Variants in TMEM71 observed in about 807,000 individuals in gnomAD.
TMEM71 encodes the protein transmembrane protein 71.
TMEM71 carries 44 observed loss-of-function variants against 38.0 expected under a neutral mutation model. That is an observed-to-expected ratio of 1.16 (90% CI 0.91 to 1.49). TMEM71 has a LOEUF of 1.49. Among genes scored for constraint, TMEM71 ranks in the 40% most tolerant of loss-of-function variants. The pLI is 0.00. For synonymous variants in TMEM71, 133 were observed against 122.5 expected (o/e 1.09, Z -0.56); for missense variants, 367 against 348.6 (o/e 1.05, Z -0.42).
intron 5 of TMEM71, among the ~76,000 whole-genome samples, chr8:132,732,334 A>C (rs1317538508): frequency 6.6e-6 from 1 of 152,112 alleles, no homozygotes; most frequent in Non-Finnish European, 1.5e-5. Flanking sequence ...GGAAGAGGAC[A>C]GGCCAGGCAG....
intron 4 of TMEM71, among the ~76,000 whole-genome samples, chr8:132,749,806 G>A (rs1044856698): frequency 6.6e-6 from 1 of 151,986 alleles, no homozygotes; most frequent in African/African-American, 2.4e-5. Flanking sequence ...ACAAGGTCAG[G>A]GGATCGAGAC....
At chr8:132,764,574 G>C (rs1452078367), upstream of TMEM71, among the ~76,000 whole-genome samples, 1 of 152,158 alleles carries the variant, frequency 6.6e-6, no homozygotes, top group Non-Finnish European at 1.5e-5. Flanking sequence ...GGCCCCATCT[G>C]TCTTTTTAGA....
chr8:132,734,629 A>T (rs1344153753), intron 5 of TMEM71, among the ~76,000 whole-genome samples: 1 of 152,228 alleles, frequency 6.6e-6, no homozygotes, highest in Non-Finnish European at 1.5e-5. Context: ...CAACAGAGAA[A>T]CCACAAAAAA....
chr8:132,746,398 T>TACACAC (rs1214113073), intron 5 of TMEM71, among the ~76,000 whole-genome samples: 1 of 19,668 alleles, frequency 5.1e-5, no homozygotes, highest in South Asian at 2.8e-3. Context: ...CATATATATA[T>TACACAC]ACATATATAT....
chr8:132,731,164 G>T (rs1158313991), intron 5 of TMEM71, among the ~76,000 whole-genome samples: 2 of 152,150 alleles, frequency 1.3e-5, no homozygotes, highest in Non-Finnish European at 2.9e-5. Flanking sequence ...ATAAGTGAAG[G>T]AGAAGAGACA....
At chr8:132,775,669 C>T in the TMEM71 span, 167 of 333,746 alleles carry the variant, frequency 5.0e-4, 3 homozygotes, top group Non-Finnish European at 8.1e-4. Flanking sequence ...GCGGCTGAGC[C>T]GGCAGGCCGC....
chr8:132,765,682 TTCAA>T (rs1335569406), upstream of TMEM71, among the ~76,000 whole-genome samples: 1 of 152,110 alleles, frequency 6.6e-6, no homozygotes, highest in Admixed American at 6.5e-5. Flanking sequence ...TTATACAAGG[TTCAA>T]TCTCTATTTT....
chr8:132,750,954 T>C (rs1586804196), intron 4 of TMEM71, among the ~76,000 whole-genome samples: 1 of 152,324 alleles, frequency 6.6e-6, no homozygotes, highest in East Asian at 1.9e-4. Flanking sequence ...GTTTCATCAT[T>C]GCTATCACAA....
chr8:132,765,828 G>A, the TMEM71 span, among the ~76,000 whole-genome samples: 7 of 151,346 alleles, frequency 4.6e-5, no homozygotes, highest in East Asian at 3.9e-4. Flanking sequence ...TCACTCTGTC[G>A]CCCAGGCTAG....
intron 3 of TMEM71, among the ~76,000 whole-genome samples, chr8:132,755,919 A>G (rs1828978081): frequency 6.6e-6 from 1 of 152,224 alleles, no homozygotes; most frequent in Non-Finnish European, 1.5e-5. Flanking sequence ...GATATTTTAC[A>G]TAGCTAGTAA....
chr8:132,724,441 T>C (rs1376482797), intron 6 of TMEM71, among the ~76,000 whole-genome samples: 2 of 152,134 alleles, frequency 1.3e-5, no homozygotes, highest in Admixed American at 1.3e-4. Context: ...GCGATGTCTC[T>C]CCTACTTGCA....
At chr8:132,706,660 T>C (rs75748387), downstream of TMEM71, among the ~76,000 whole-genome samples, 971 of 152,230 alleles carry the variant, frequency 6.4e-3, 7 homozygotes, top group African/African-American at 0.018. Flanking sequence ...TATTAAGAAA[T>C]AAACTTTTTG....
chr8:132,718,840 AG>A (rs780524690), intron 7 of TMEM71, among the ~76,000 whole-genome samples: 28 of 152,260 alleles, frequency 1.8e-4, no homozygotes, highest in Admixed American at 7.2e-4. Flanking sequence ...GTCACTGAGT[AG>A]ATTTATTTCA....
At chr8:132,744,433 A>G (rs1212932035) in intron 5 of TMEM71, among the ~76,000 whole-genome samples, 1 of 152,202 alleles carries the variant, frequency 6.6e-6, no homozygotes, top group African/African-American at 2.4e-5. Flanking sequence ...TCCCATTTAC[A>G]ATAGCCACAA....
In TMEM71 at chr8:132,710,552, C is replaced by A; in HGVS notation, c.*415G>T. The A allele has an allele frequency of 2.8e-6, 1 of 355,006 alleles. No homozygotes were observed. The highest frequency in any genetic ancestry group is 7.0e-5 in the South Asian group (1 of 14,206). 22.0% of individuals were successfully genotyped at this position (355,006 alleles called of 1,614,324 possible). Reference sequence around the variant, plus strand: ...GTTAGACAAACTTGCTCTCATTATTCTATTAAAGCAATTCAGCAAGAGATA... The same window carrying A: ...GTTAGACAAACTTGCTCTCATTATTATATTAAAGCAATTCAGCAAGAGATA... On this transcript the variant is annotated 3_prime_UTR_variant, in exon 10 of 10. Coordinates refer to ENST00000677595, the MANE Select transcript of TMEM71 (RefSeq NM_001382403.1).
chr8:132,714,307 A>C, intron 7 of TMEM71, 92 bp from the exon 8 acceptor site: 2 of 958,358 alleles, frequency 2.1e-6, no homozygotes, highest in East Asian at 2.4e-5. Flanking sequence ...TTATGATTTC[A>C]AGGTTTACTA....
chr8:132,775,612 G>C, the TMEM71 span: 1 of 345,112 alleles, frequency 2.9e-6, no homozygotes, highest in Non-Finnish European at 5.2e-6. Context: ...GGCCCCGGAC[G>C]GCCCGGCTGC....
intron 3 of TMEM71, among the ~76,000 whole-genome samples, chr8:132,752,828 A>AAAGGAAGGAAGGAAGG (rs71299033): frequency 3.4e-5 from 4 of 118,364 alleles, no homozygotes; most frequent in African/African-American, 6.4e-5. Flanking sequence ...GGGAAGGAAG[A>AAAGGAAGGAAGGAAGG]AAGGAAGGAA....
At chr8:132,773,006 T>C in the TMEM71 span, among the ~76,000 whole-genome samples, 1 of 152,206 alleles carries the variant, frequency 6.6e-6, no homozygotes, top group African/African-American at 2.4e-5. Flanking sequence ...TCCTGTAAAA[T>C]TTAATGTATA....
Sources: gnomAD v4.1 joint callset for allele counts (sites outside exome capture counted in the v4.1 genomes callset) on GRCh38, gnomAD v4.1.1 for gene constraint, MANE v1.5 for transcripts, NCBI Gene and HGNC (gene_info 2026-07-23, HGNC 2026-07-21) for gene names.